PLEKHA7: variants seen among roughly 807,000 people sequenced by gnomAD.
PLEKHA7 encodes pleckstrin homology domain containing A7.
A neutral mutation model predicts 170.0 loss-of-function variants in PLEKHA7; 104 were observed. The observed-to-expected ratio is 0.61, with a 90% CI of 0.52 to 0.72. PLEKHA7 has a LOEUF of 0.72. Ranked by LOEUF, PLEKHA7 falls within the 30% of genes least tolerant of loss-of-function variation. PLEKHA7 has a pLI of 0.00. For synonymous variants in PLEKHA7, 648 were observed against 660.8 expected (o/e 0.98, Z 0.30); for missense variants, 1,615 against 1,671.7 (o/e 0.97, Z 0.59).
At position 16,783,653 on chromosome 11, in the gene PLEKHA7, C is replaced by A. The variant is rs546259874; in HGVS notation, c.3650+47G>T. 3 of 1,351,018 alleles carry A rather than the reference C, an allele frequency of 2.2e-6. No homozygotes were observed. The African/African-American group carries it at 4.5e-5, about 20-fold the overall frequency. 83.7% of individuals were successfully genotyped at this position (1,351,018 alleles called of 1,614,324 possible). A position where few individuals can be genotyped will look rare whatever the true frequency, so the allele number is the denominator to read the frequency against. On this transcript the variant is annotated intron_variant, in intron 25 of 26. Coordinates refer to ENST00000531066, the MANE Select transcript of PLEKHA7 (RefSeq NM_001329630.2). Reference sequence around the variant, plus strand: ...CAGGGCCCACATGGTAGAGACGCCACCTGGGGTCAGGGTGACCTGCCAACA... The same window carrying A: ...CAGGGCCCACATGGTAGAGACGCCAACTGGGGTCAGGGTGACCTGCCAACA...
intron 26 of PLEKHA7, among the ~76,000 whole-genome samples, chr11:16,779,626 A>C (rs1177515701): frequency 6.6e-6 from 1 of 151,784 alleles, no homozygotes; most frequent in Non-Finnish European, 1.5e-5. Context: ...CGGGGCCTCT[A>C]CTCCACACCT....
At chr11:16,847,943 G>A (rs1387469578) in intron 8 of PLEKHA7, among the ~76,000 whole-genome samples, 2 of 152,092 alleles carry the variant, frequency 1.3e-5, no homozygotes, top group South Asian at 4.1e-4. Context: ...GTGCAACTTA[G>A]GAGCAACATA....
intron 3 of PLEKHA7, 47 bp downstream of exon 3, chr11:17,013,919 GCCCGGCGGGAACGGGGAGGGACC>G (rs1221848329): frequency 4.7e-5 from 68 of 1,451,332 alleles, no homozygotes; most frequent in Admixed American, 7.5e-5. Context: ...AGGGCGGGGC[GCCCGGCGGGAACGGGGAGGGACC>G]CCCCCCCCGC....
chr11:16,788,980 A>T, intron 23 of PLEKHA7, 116 bp downstream of exon 23: 1 of 1,306,738 alleles, frequency 7.7e-7, no homozygotes, highest in Non-Finnish European at 1.0e-6. Context: ...TCTCTGAACC[A>T]TGTAGGTCAA....
At chr11:16,925,788 C>G (rs539451114) in intron 3 of PLEKHA7, among the ~76,000 whole-genome samples, 355 of 152,368 alleles carry the variant, frequency 2.3e-3, no homozygotes, top group Non-Finnish European at 4.2e-3. Context: ...CAGCGCCAGA[C>G]AGCGGACCCC....
At chr11:16,889,757 T>G (rs1450982875) in intron 3 of PLEKHA7, among the ~76,000 whole-genome samples, 4 of 152,128 alleles carry the variant, frequency 2.6e-5, no homozygotes, top group African/African-American at 9.7e-5. Context: ...AAAACTTCCC[T>G]GGTCATGTTA....
At chr11:16,973,843 C>T (rs1036288328) in intron 3 of PLEKHA7, among the ~76,000 whole-genome samples, 7 of 152,148 alleles carry the variant, frequency 4.6e-5, no homozygotes, top group South Asian at 2.1e-4. Flanking sequence ...CCTGTTCAGT[C>T]GGGTGACTAT....
intron 3 of PLEKHA7, among the ~76,000 whole-genome samples, chr11:16,916,546 G>A (rs989394956): frequency 6.6e-5 from 10 of 152,098 alleles, no homozygotes; most frequent in African/African-American, 1.9e-4. Flanking sequence ...AGATTAGATC[G>A]GACAATGTGT....
At chr11:16,847,090 C>CTTTTTTTTTTTT (rs59132787) in intron 8 of PLEKHA7, among the ~76,000 whole-genome samples, 6 of 70,824 alleles carry the variant, frequency 8.5e-5, no homozygotes, top group Non-Finnish European at 1.1e-4. Flanking sequence ...TTTTTTTTTT[C>CTTTTTTTTTTTT]TTTTTTTTTT....
intron 3 of PLEKHA7, among the ~76,000 whole-genome samples, chr11:16,966,091 G>A (rs1271973051): frequency 6.6e-6 from 1 of 152,184 alleles, no homozygotes; most frequent in Non-Finnish European, 1.5e-5. Context: ...GCTGAGGCAG[G>A]AGAATCACTT....
intron 3 of PLEKHA7, among the ~76,000 whole-genome samples, chr11:16,956,974 T>C (rs1414271085): frequency 6.6e-6 from 1 of 152,206 alleles, no homozygotes; most frequent in African/African-American, 2.4e-5. Flanking sequence ...TTTTGTGTAA[T>C]GTGAGGCATT....
intron 3 of PLEKHA7, among the ~76,000 whole-genome samples, chr11:16,916,940 C>T (rs968949304): frequency 3.3e-5 from 5 of 152,094 alleles, no homozygotes; most frequent in South Asian, 2.1e-4. Flanking sequence ...CTTTTGAGGC[C>T]GGGCACGGTG....
chr11:16,991,718 G>A (rs982645351), intron 3 of PLEKHA7, among the ~76,000 whole-genome samples: 2 of 152,180 alleles, frequency 1.3e-5, no homozygotes, highest in African/African-American at 4.8e-5. Flanking sequence ...AAGGATTCTG[G>A]AGTCCACTTT....
intron 3 of PLEKHA7, among the ~76,000 whole-genome samples, chr11:16,951,691 G>C (rs1054509858): frequency 1.3e-5 from 2 of 152,196 alleles, no homozygotes; most frequent in African/African-American, 4.8e-5. Context: ...GAGATGGTTA[G>C]AGACATTTCT....
chr11:16,841,856 A>G, intron 8 of PLEKHA7, 134 bp from the exon 9 acceptor site: 1 of 812,734 alleles, frequency 1.2e-6, no homozygotes, highest in African/African-American at 1.7e-5. Context: ...CCACACCTAG[A>G]AAACATCATA....
chr11:16,947,182 A>G (rs1861080903), intron 3 of PLEKHA7, among the ~76,000 whole-genome samples: 2 of 152,250 alleles, frequency 1.3e-5, no homozygotes, highest in South Asian at 2.1e-4. Context: ...CATTATCAAA[A>G]AGATGAAAGA....
intron 3 of PLEKHA7, among the ~76,000 whole-genome samples, chr11:16,982,848 G>GAA (rs1863523233): frequency 6.6e-6 from 1 of 151,482 alleles, no homozygotes; most frequent in South Asian, 2.1e-4. Flanking sequence ...GAGAGAGAGA[G>GAA]AAACTCCCAA....
chr11:16,977,638 G>A (rs774953906), intron 3 of PLEKHA7, among the ~76,000 whole-genome samples: 2 of 151,908 alleles, frequency 1.3e-5, no homozygotes, highest in African/African-American at 2.4e-5. Context: ...GCTGGTTAAC[G>A]CCCATCCTGC....
intron 3 of PLEKHA7, among the ~76,000 whole-genome samples, chr11:16,882,591 C>G (rs558911579): frequency 6.6e-6 from 1 of 152,312 alleles, no homozygotes; most frequent in Admixed American, 6.5e-5. Flanking sequence ...CTGTTTTGGT[C>G]ACAGAAGAGG....
Sources: gnomAD v4.1 joint callset for allele counts (sites outside exome capture counted in the v4.1 genomes callset) on GRCh38, gnomAD v4.1.1 for gene constraint, MANE v1.5 for transcripts, NCBI Gene and HGNC (gene_info 2026-07-23, HGNC 2026-07-21) for gene names.